OCA2: variants seen among roughly 807,000 people sequenced by gnomAD.
The protein encoded by OCA2 is OCA2 melanosomal transmembrane protein.
OCA2 carries 77 observed loss-of-function variants against 100.2 expected under a neutral mutation model. The ratio of observed to expected loss-of-function variants is 0.77; its 90% confidence interval spans 0.64 to 0.93. The LOEUF is 0.93. OCA2 is among the 40% of genes least tolerant of loss of function. OCA2 has a pLI of 0.00. For synonymous variants in OCA2, 432 were observed against 439.2 expected, an observed-to-expected ratio of 0.98 and a Z score of 0.21; for missense variants, 1,062 against 1,089.1, an observed-to-expected ratio of 0.98 and a Z score of 0.35.
chr15:27,861,523 T>A (rs1023903504), intron 21 of OCA2, among the ~76,000 whole-genome samples: 2 of 151,296 alleles, frequency 1.3e-5, no homozygotes, highest in Admixed American at 6.6e-5. Flanking sequence ...ATGGAGAGGG[T>A]CATGGAAGGA....
chr15:27,903,732 T>G (rs763012525), intron 19 of OCA2, among the ~76,000 whole-genome samples: 13 of 152,192 alleles, frequency 8.5e-5, no homozygotes, highest in Non-Finnish European at 1.8e-4. Flanking sequence ...GTTTTTAAAC[T>G]CTGGACAAAC....
intron 11 of OCA2, among the ~76,000 whole-genome samples, chr15:27,987,986 C>T (rs1172027339): frequency 1.3e-5 from 2 of 152,140 alleles, no homozygotes; most frequent in African/African-American, 4.8e-5. Context: ...CAATGTTCAT[C>T]CTCACCCAAA....
chr15:27,827,615 G>A (rs2034784007), intron 23 of OCA2, among the ~76,000 whole-genome samples: 1 of 151,930 alleles, frequency 6.6e-6, no homozygotes, highest in South Asian at 2.1e-4. Context: ...TGATGCTGTG[G>A]GTTTGCCTGA....
At chr15:27,746,905 C>T in the OCA2 span, among the ~76,000 whole-genome samples, 1 of 152,230 alleles carries the variant, frequency 6.6e-6, no homozygotes, top group African/African-American at 2.4e-5. Flanking sequence ...TCCACCCTCA[C>T]TCATCCTGCT....
chr15:28,000,472 T>A (rs188915531), intron 9 of OCA2, among the ~76,000 whole-genome samples: 1 of 152,264 alleles, frequency 6.6e-6, no homozygotes, highest in African/African-American at 2.4e-5. Context: ...TAAAATTGAT[T>A]AAAGACTCAC....
At chr15:27,726,003 TAATA>T in the OCA2 span, among the ~76,000 whole-genome samples, 4 of 151,428 alleles carry the variant, frequency 2.6e-5, no homozygotes, top group Non-Finnish European at 5.9e-5. Flanking sequence ...AACTACCAGA[TAATA>T]AATAGTTGGC....
chr15:27,749,637 C>A, the OCA2 span, among the ~76,000 whole-genome samples: 1 of 124,360 alleles, frequency 8.0e-6, no homozygotes, highest in Non-Finnish European at 1.8e-5. Context: ...GTGAACTCAG[C>A]AAGGCCATGG....
At chr15:27,919,785 G>A (rs2038792517) in intron 19 of OCA2, among the ~76,000 whole-genome samples, 1 of 152,170 alleles carries the variant, frequency 6.6e-6, no homozygotes, top group Admixed American at 6.5e-5. Flanking sequence ...GACTCTGGAT[G>A]ACTATAATGC....
intron 23 of OCA2, among the ~76,000 whole-genome samples, chr15:27,812,765 C>T (rs1382182747): frequency 2.6e-5 from 4 of 152,226 alleles, no homozygotes; most frequent in South Asian, 4.1e-4. Flanking sequence ...TCCCTGGGTG[C>T]ATACCATGCA....
At chr15:28,053,987 G>A (rs911840189) in intron 2 of OCA2, among the ~76,000 whole-genome samples, 15 of 151,992 alleles carry the variant, frequency 9.9e-5, no homozygotes, top group African/African-American at 2.2e-4. Context: ...GATAGAAATC[G>A]CTATATGAGT....
At chr15:27,912,185 G>A (rs1023879555) in intron 19 of OCA2, among the ~76,000 whole-genome samples, 1 of 152,046 alleles carries the variant, frequency 6.6e-6, no homozygotes, top group Admixed American at 6.5e-5. Flanking sequence ...ATGGATGTGT[G>A]GATATGGGTG....
downstream of OCA2, among the ~76,000 whole-genome samples, chr15:27,751,506 T>C (rs2030063551): frequency 6.6e-6 from 1 of 152,150 alleles, no homozygotes; most frequent in Non-Finnish European, 1.5e-5. Flanking sequence ...TTCTTGATGG[T>C]CCACTTTTAA....
intron 23 of OCA2, among the ~76,000 whole-genome samples, chr15:27,834,568 T>C (rs1320283343): frequency 1.3e-5 from 2 of 152,228 alleles, no homozygotes; most frequent in African/African-American, 2.4e-5. Context: ...CTGTGACTGA[T>C]AGCTGTGTCT....
chr15:28,014,834 G>A lies in OCA2; in HGVS notation c.986C>T (p.Thr329Ile). 2 of 1,614,092 alleles carry A rather than the reference G, an allele frequency of 1.2e-6. No individual in the cohort carries two copies. The highest frequency in any genetic ancestry group is 1.7e-6 in the Non-Finnish European group (2 of 1,180,030). ...AHQYLRGSVE[T>I]QVTIATAILA... The stretch of plus-strand genomic sequence containing the variant: ...GATGGCCGTCGCGATGGTCACCTGG[G>A]TTTCTACACTTCCGCGGAGGTACTG... The change falls in exon 9 of 24, where the codon ACC (threonine) becomes ATC (isoleucine). Residue 329 changes from threonine to isoleucine, a missense_variant. Thr to Ile is a moderately conservative substitution (Grantham distance 89). Transcript: ENST00000354638.
At chr15:27,971,291 C>A (rs539685375) in intron 14 of OCA2, among the ~76,000 whole-genome samples, 1 of 152,286 alleles carries the variant, frequency 6.6e-6, no homozygotes, top group African/African-American at 2.4e-5. Flanking sequence ...TGTCTTCTTA[C>A]AAAGATGCTA....
At chr15:27,824,774 G>A (rs1407198993) in intron 23 of OCA2, among the ~76,000 whole-genome samples, 10 of 151,704 alleles carry the variant, frequency 6.6e-5, no homozygotes, top group South Asian at 6.2e-4. Flanking sequence ...AGCCTGCCTC[G>A]CACACGACTC....
intron 9 of OCA2, among the ~76,000 whole-genome samples, chr15:27,997,122 A>T: frequency 1.2e-5 from 1 of 81,998 alleles, no homozygotes; most frequent in Non-Finnish European, 4.2e-5. Flanking sequence ...AAAGGAAGGA[A>T]GGAAGGAAGA....
intron 23 of OCA2, among the ~76,000 whole-genome samples, chr15:27,786,499 C>T (rs562556340): frequency 6.6e-6 from 1 of 152,258 alleles, no homozygotes; most frequent in South Asian, 2.1e-4. Flanking sequence ...ACATGTCTTG[C>T]ACTTCTTTTG....
chr15:28,076,565 T>C (rs901679507), intron 2 of OCA2, among the ~76,000 whole-genome samples: 1 of 152,162 alleles, frequency 6.6e-6, no homozygotes, highest in Non-Finnish European at 1.5e-5. Flanking sequence ...ATAGATAATT[T>C]GGCCGGGCGC....
Sources: gnomAD v4.1 joint callset for allele counts (sites outside exome capture counted in the v4.1 genomes callset) on GRCh38, gnomAD v4.1.1 for gene constraint, MANE v1.5 for transcripts, NCBI Gene and HGNC (gene_info 2026-07-23, HGNC 2026-07-21) for gene names.